AMPD3: variants seen among roughly 807,000 people sequenced by gnomAD.
AMPD3 encodes the protein AMP deaminase 3.
A neutral mutation model predicts 82.3 loss-of-function variants in AMPD3; 57 were observed. The ratio of observed to expected loss-of-function variants is 0.69; its 90% CI spans 0.56 to 0.86. The LOEUF is 0.86. Ranked by LOEUF, AMPD3 falls within the 40% of genes least tolerant of loss-of-function variation. The pLI, the probability that AMPD3 is intolerant of heterozygous loss-of-function variation, is 0.00. For missense variants in AMPD3, 870 were observed against 1,003.8 expected (o/e 0.87, Z 1.80); for synonymous variants, 381 against 394.7 (o/e 0.97, Z 0.41).
At chr11:10,486,954 G>A (rs1484424929) in intron 5 of AMPD3, 13 of 985,266 alleles carry the variant, frequency 1.3e-5, no homozygotes, top group African/African-American at 5.2e-5. Flanking sequence ...GGAGGCTTGC[G>A]GTTAATTCCC....
intron 2 of AMPD3, among the ~76,000 whole-genome samples, chr11:10,465,685 G>A (rs575533509): frequency 2.6e-5 from 4 of 152,260 alleles, no homozygotes; most frequent in African/African-American, 9.6e-5. Context: ...CTCTGGCCCA[G>A]ATACTGTGCT....
At chr11:10,477,928 T>C in intron 2 of AMPD3, 1 of 985,384 alleles carries the variant, frequency 1.0e-6, no homozygotes, top group Non-Finnish European at 1.2e-6. Context: ...TGGATGGCGG[T>C]CGCTAGTCCA....
upstream of AMPD3, among the ~76,000 whole-genome samples, chr11:10,451,595 G>A (rs1245190261): frequency 1.3e-5 from 2 of 152,244 alleles, no homozygotes; most frequent in African/African-American, 4.8e-5. Flanking sequence ...TTGTAGGCTG[G>A]CAGAGGTCCC....
Position 10,484,844 on chromosome 11 carries a change from A to C in AMPD3, c.614A>C (p.Gln205Pro). 6.2e-7 allele frequency: 1 copy of C among 1,614,030 alleles called. No homozygotes were observed. The highest frequency in any genetic ancestry group is 8.5e-7 in the Non-Finnish European group (1 of 1,179,990). Residue 205 changes from glutamine (Q) to proline (P), a missense_variant, in exon 5 of 15, where the codon CAG becomes CCG. Coordinates refer to ENST00000396553, the MANE Select transcript of AMPD3 (RefSeq NM_001025389.2). ...GACTTCCACCCTCCTCCACTGCCCC[A>C]GGAAGACCCCTACTGCCTGGATGAT... ...LPDFHPPPLPQEDPYCLDDAP... is the reference protein window; with the variant it reads ...LPDFHPPPLPPEDPYCLDDAP...
Position 10,487,346 on chromosome 11 carries a change from C to T in AMPD3, c.921C>T (p.Asp307=). The part of the protein sequence containing the change: ...FKELKSNPHR[D]FYNVRKVDTH... Reference sequence around the variant, plus strand: ...AGTTGAAGAGTAACCCCCACCGGGACTTCTATAACGTGAGAAAGGTGCGTT... The same window carrying T: ...AGTTGAAGAGTAACCCCCACCGGGATTTCTATAACGTGAGAAAGGTGCGTT... Residue 307 remains aspartate (D), a synonymous_variant, in exon 6 of 15, where the codon GAC becomes GAT. Coordinates refer to ENST00000396553, the MANE Select transcript of AMPD3 (RefSeq NM_001025389.2). The T allele has an allele frequency of 6.2e-7, 1 of 1,614,162 alleles. No individual in the cohort carries two copies. Among genetic ancestry groups the T allele is most frequent in the South Asian group, 1.1e-5 (1 of 91,082 alleles).
At position 10,470,118 on chromosome 11, in the gene AMPD3, G is replaced by A. The variant is rs557210521; in HGVS notation, c.221+8378G>A. 5.3e-5 allele frequency among the ~76,000 whole-genome samples: 8 copies of A among 151,678 alleles called. No individual in the cohort carries two copies. The South Asian group carries it at 6.2e-4, about 12-fold the overall frequency. On this transcript the variant is annotated intron_variant, in intron 2 of 14. Transcript: ENST00000396553. ...GCACATCAAAAAGCTTATCCACCAC[G>A]ATCAAGTTGGCTTCATACCTGGGAT...
intron 2 of AMPD3, among the ~76,000 whole-genome samples, chr11:10,474,647 G>A (rs1848686949): frequency 6.6e-6 from 1 of 152,212 alleles, no homozygotes; most frequent in African/African-American, 2.4e-5. Context: ...TTGTCTTGTG[G>A]GCCTGGTTAG....
At chr11:10,505,370 G>A (rs1050444303) in intron 14 of AMPD3, 762 of 833,882 alleles carry the variant, frequency 9.1e-4, no homozygotes, top group Admixed American at 1.3e-3. Context: ...GTCCTTGTCA[G>A]CTCTCAGGGG....
chr11:10,469,453 T>G (rs1366110116), intron 2 of AMPD3, among the ~76,000 whole-genome samples: 1 of 152,146 alleles, frequency 6.6e-6, no homozygotes. Context: ...CAGGAAGAAG[T>G]TGAATCCCTG....
At chr11:10,484,449 T>C (rs935743020) in intron 4 of AMPD3, 1 of 985,252 alleles carries the variant, frequency 1.0e-6, no homozygotes, top group Non-Finnish European at 1.2e-6. Context: ...TTAATATTCC[T>C]GGAATCTCTG....
chr11:10,500,488 G>T (rs1014651454), intron 11 of AMPD3: 1 of 646,674 alleles, frequency 1.5e-6, no homozygotes, highest in African/African-American at 2.0e-5. Flanking sequence ...TGCCAGTACA[G>T]ACATATGTCA....
intron 3 of AMPD3, chr11:10,481,299 T>C: frequency 3.0e-6 from 1 of 331,592 alleles, no homozygotes; most frequent in Non-Finnish European, 4.3e-6. Flanking sequence ...TTGCTTCTTG[T>C]TTTGTTTCGC....
rs1335794923 is a variant in AMPD3 at position 10,500,119 on chromosome 11, A to C, written c.1591A>C (p.Lys531Gln). Residue 531 changes from lysine (K) to glutamine (Q), a missense_variant, in exon 11 of 15, where the codon AAG (lysine) becomes CAG (glutamine). By Grantham distance (53) the Lys-to-Gln change is moderately conservative. Coordinates refer to ENST00000396553, the MANE Select transcript of AMPD3 (RefSeq NM_001025389.2). ...TGFDSVDDESKHSDHMFSDKS... is the reference protein window; with the variant it reads ...TGFDSVDDESQHSDHMFSDKS... ...GTTTGACAGCGTGGATGATGAGTCC[A>C]AGCACAGCGACCACATGTTTTCCGA... The C allele has an allele frequency of 1.2e-6, 2 of 1,614,158 alleles. No homozygotes were observed.
intron 2 of AMPD3, among the ~76,000 whole-genome samples, chr11:10,471,078 G>C (rs1216650627): frequency 2.0e-5 from 3 of 152,220 alleles, no homozygotes; most frequent in African/African-American, 7.2e-5. Context: ...CAAGGCTACA[G>C]TAAACAAAAC....
intron 2 of AMPD3, among the ~76,000 whole-genome samples, chr11:10,464,342 G>A (rs1258939001): frequency 6.6e-6 from 1 of 152,132 alleles, no homozygotes; most frequent in East Asian, 1.9e-4. Flanking sequence ...TGCAGATTAG[G>A]GAACGAAGGC....
intron 6 of AMPD3, chr11:10,488,474 T>G: frequency 5.8e-6 from 1 of 173,200 alleles, no homozygotes. Flanking sequence ...TATGAGAGAG[T>G]CGAGAGAGTC....
chr11:10,488,402 A>T (rs1849140853), intron 6 of AMPD3: 1 of 985,414 alleles, frequency 1.0e-6, no homozygotes, highest in Non-Finnish European at 1.2e-6. Context: ...TGGTAGGGGA[A>T]TGGAAGTGGT....
intron 7 of AMPD3, chr11:10,494,381 T>G (rs1849328389): frequency 4.9e-6 from 1 of 205,296 alleles, no homozygotes; most frequent in African/African-American, 2.4e-5. Flanking sequence ...TTTGGGATGA[T>G]AAAAAAGTTC....
At chr11:10,504,394 CTTAG>C in intron 13 of AMPD3, 151 bp from the exon 14 acceptor site, 2 of 468,790 alleles carry the variant, frequency 4.3e-6, no homozygotes, top group Non-Finnish European at 5.6e-6. Context: ...AAGAAAAGAT[CTTAG>C]GCTTTGAAGG....
Sources: allele counts gnomAD v4.1 joint callset (sites outside exome capture counted in the v4.1 genomes callset), GRCh38; gene constraint gnomAD v4.1.1; transcripts MANE v1.5; gene names NCBI Gene and HGNC (gene_info 2026-07-23, HGNC 2026-07-21).